Variants in POLR2C observed in about 807,000 individuals in gnomAD.
The protein encoded by POLR2C is RNA polymerase II subunit C.
A neutral mutation model predicts 41.7 loss-of-function variants in POLR2C; 36 were observed. The ratio of observed to expected loss-of-function variants is 0.86; its 90% CI spans 0.66 to 1.14. The LOEUF is 1.14. Among genes scored for constraint, POLR2C ranks in the 50% most tolerant of loss-of-function variants. The pLI is 0.00. For synonymous variants in POLR2C, 133 were observed against 137.8 expected, an observed-to-expected ratio of 0.96 and a Z score of 0.25; for missense variants, 260 against 350.4, an observed-to-expected ratio of 0.74 and a Z score of 2.06.
chr16:57,470,403 G>A (rs201771068), intron 8 of POLR2C, 49 bp downstream of exon 8: 1 of 1,444,742 alleles, frequency 6.9e-7, no homozygotes, highest in East Asian at 2.4e-5. Context: ...AGAAGGGATG[G>A]TTTTGGTTCA....
chr16:57,463,410 G>T, intron 2 of POLR2C: 1 of 440,794 alleles, frequency 2.3e-6, no homozygotes. Context: ...TTGGAGTCAA[G>T]GGGTACATTG....
chr16:57,462,879 AGGGGGCGGGGGTGTAGTGGGGTGGGGT>A, intron 1 of POLR2C, 69 bp downstream of exon 1: 1 of 263,994 alleles, frequency 3.8e-6, no homozygotes, highest in African/African-American at 8.2e-5. Flanking sequence ...GCCCCGGGGC[AGGGGGCGGGGGTGTAGTGGGGTGGGGT>A]GGGGGCGATG....
At chr16:57,462,969 C>T (rs769926686) in intron 1 of POLR2C, 60 bp from the exon 2 acceptor site, 39 of 1,502,288 alleles carry the variant, frequency 2.6e-5, no homozygotes, top group African/African-American at 4.2e-5. Flanking sequence ...GAGCCTGCGG[C>T]GCGGGCCCAG....
At chr16:57,468,805 GA>G (rs1186169046) in intron 4 of POLR2C, among the ~76,000 whole-genome samples, 1 of 152,150 alleles carries the variant, frequency 6.6e-6, no homozygotes, top group Non-Finnish European at 1.5e-5. Context: ...TTGGGAAGCT[GA>G]ACTATAGAGT....
chr16:57,470,214 C>G (rs1440598746), intron 7 of POLR2C, 66 bp from the exon 8 acceptor site: 3 of 1,595,032 alleles, frequency 1.9e-6, no homozygotes, highest in Non-Finnish European at 2.6e-6. Context: ...GTGGCAGGCT[C>G]TCTAGGAACT....
rs1364283604 is a variant in POLR2C, at chr16:57,469,001, T to C, written c.259-164T>C. On this transcript the variant is annotated intron_variant, in intron 4 of 8. Coordinates refer to ENST00000219252, the MANE Select transcript of POLR2C (RefSeq NM_032940.3). The surrounding 1 kb of genome is among the most constrained non-coding windows in gnomAD (Gnocchi z 5.8). Reference sequence around the variant, plus strand: ...ACTTGGGCAGTCCATGAGAATGGTATACCAGATTGTCACAGCCCACAAGAA... The same window carrying C: ...ACTTGGGCAGTCCATGAGAATGGTACACCAGATTGTCACAGCCCACAAGAA... Among the ~76,000 whole-genome samples the C allele has an allele frequency of 6.6e-6, 1 of 152,208 alleles. No homozygotes were observed. The highest frequency in any genetic ancestry group is 1.5e-5 in the Non-Finnish European group (1 of 68,036).
In POLR2C at chr16:57,469,045, C is replaced by T. The variant is rs940186500; in HGVS notation, c.259-120C>T. On this transcript the variant is annotated intron_variant, in intron 4 of 8. Coordinates refer to ENST00000219252, the MANE Select transcript of POLR2C (RefSeq NM_032940.3). This position sits in a 1 kb window ranked among gnomAD's most constrained non-coding sequence, Gnocchi z 5.8. ...ACAAGAACCTGGATACTGATGAACC[C>T]CTTTTTACAGGTGAAGAAACTTAAG... 9 of 950,516 alleles carry T rather than the reference C, an allele frequency of 9.5e-6. No individual in the cohort carries two copies. The African/African-American group carries it at 1.3e-4, about 14-fold the overall frequency. The allele number at this position is 950,516 out of a possible 1,614,324, so 58.9% of individuals were successfully genotyped here.
rs182582596 is a variant in POLR2C, at chr16:57,471,285, G to T, written c.*166G>T. The stretch of plus-strand genomic sequence containing the variant: ...AGTGGGTCATAGATAGATTACCAGG[G>T]ATGCAGTGGTGTTTAGGCAGGATAG... On this transcript the variant is annotated 3_prime_UTR_variant, in exon 9 of 9. Transcript: ENST00000219252. 8 of 616,156 alleles carry T rather than the reference G, an allele frequency of 1.3e-5. No individual in the cohort carries two copies. In the Admixed American group the frequency reaches 2.0e-4, roughly 15 times the overall value. The allele number at this position is 616,156 out of a possible 1,614,324, so 38.2% of individuals were successfully genotyped here.
In POLR2C at chr16:57,469,992, G is replaced by T. The variant is rs2030790841; in HGVS notation, c.471G>T (p.Gln157His). 2 of 1,614,134 alleles carry T rather than the reference G, an allele frequency of 1.2e-6. No homozygotes were observed. Among genetic ancestry groups the T allele is most frequent in the African/African-American group, 2.7e-5 (2 of 75,052 alleles). The change falls in exon 7 of 9, where the codon CAG (glutamine) becomes CAT (histidine). Residue 157 changes from glutamine (Q) to histidine (H), a missense_variant. Gln to His is a conservative substitution (Grantham distance 24). Transcript: ENST00000219252. This position sits in a 1 kb window ranked among gnomAD's most constrained non-coding sequence, Gnocchi z 5.8. Reference protein sequence around the residue: ...DILIVKLRKGQELRLRAYAKK... With the variant: ...DILIVKLRKGHELRLRAYAKK... ...TCATCGTCAAGTTGAGAAAGGGCCA[G>T]GAGCTGAGACTTCGAGCCTATGCCA...
chr16:57,465,782 T>G, intron 2 of POLR2C, 171 bp from the exon 3 acceptor site: 1 of 600,540 alleles, frequency 1.7e-6, no homozygotes, highest in Non-Finnish European at 3.0e-6. Flanking sequence ...AGGTGTGGTG[T>G]GTGTGGGTCT....
chr16:57,470,303 T>C lies in POLR2C; in HGVS notation c.632T>C (p.Leu211Pro), dbSNP rs2030800177. The change falls in exon 8 of 9, where the codon CTG becomes CCG. Residue 211 changes from leucine (L) to proline (P), a missense_variant. Coordinates refer to ENST00000219252, the MANE Select transcript of POLR2C (RefSeq NM_032940.3). ...AGGCCAAAGAGTGAGTACTCGGAGC[T>C]GGATGAGGATGAGTCGCAGGCTCCC... Reference protein sequence around the residue: ...EEWPKSEYSELDEDESQAPYD... With the variant: ...EEWPKSEYSEPDEDESQAPYD... The C allele has an allele frequency of 6.2e-7, 1 of 1,613,096 alleles. No homozygotes were observed. The highest frequency in any genetic ancestry group is 1.1e-5 in the South Asian group (1 of 90,870).
intron 2 of POLR2C, among the ~76,000 whole-genome samples, chr16:57,465,012 AAGGG>A (rs1199325231): frequency 1.3e-5 from 2 of 152,228 alleles, no homozygotes; most frequent in Admixed American, 1.3e-4. Context: ...GAGGAGTTGA[AAGGG>A]AGGGAATGTC....
chr16:57,469,512 G>T lies in POLR2C; in HGVS notation c.388-198G>T, dbSNP rs951823247. The T allele has an allele frequency of 6.9e-6, 5 of 727,696 alleles. No homozygotes were observed. The Admixed American group carries it at 1.1e-4, about 16-fold the overall frequency. The allele number at this position is 727,696 out of a possible 1,614,324, so 45.1% of individuals were successfully genotyped here. On this transcript the variant is annotated intron_variant, in intron 5 of 8. Transcript: ENST00000219252. The surrounding 1 kb of genome is among the most constrained non-coding windows in gnomAD (Gnocchi z 5.8). ...CTATCACCCAGGGACTCTTTTAAAGGCCATGGAATTGTTTTGCCTGAGGCT... is the reference window on the plus strand; with the variant it reads ...CTATCACCCAGGGACTCTTTTAAAGTCCATGGAATTGTTTTGCCTGAGGCT...
At chr16:57,470,672 G>A (rs1225983894) in intron 8 of POLR2C, among the ~76,000 whole-genome samples, 1 of 152,184 alleles carries the variant, frequency 6.6e-6, no homozygotes, top group African/African-American at 2.4e-5. Flanking sequence ...ACTGTGAAAG[G>A]TCTATCACTG....
At chr16:57,466,851 A>G (rs1364613492) in intron 4 of POLR2C, among the ~76,000 whole-genome samples, 2 of 152,150 alleles carry the variant, frequency 1.3e-5, no homozygotes, top group East Asian at 3.8e-4. Context: ...GTGATCCAGA[A>G]TCAGTCCATT....
In POLR2C at chr16:57,469,976, A is replaced by T; in HGVS notation, c.455A>T (p.Lys152Met). The T allele has an allele frequency of 6.2e-7, 1 of 1,613,840 alleles. No homozygotes were observed. Among genetic ancestry groups the T allele is most frequent in the Non-Finnish European group, 8.5e-7 (1 of 1,179,958 alleles). Residue 152 changes from lysine (K) to methionine (M), a missense_variant, in exon 7 of 9, where the codon AAG (lysine) becomes ATG (methionine). Lys to Met is a moderately conservative substitution (Grantham distance 95). Transcript: ENST00000219252. This position sits in a 1 kb window ranked among gnomAD's most constrained non-coding sequence, Gnocchi z 5.8. ...CTCCCTGCAGACATCCTCATCGTCAAGTTGAGAAAGGGCCAGGAGCTGAGA... is the reference window on the plus strand; with the variant it reads ...CTCCCTGCAGACATCCTCATCGTCATGTTGAGAAAGGGCCAGGAGCTGAGA... ...YVEQDDILIV[K>M]LRKGQELRLR...
chr16:57,466,339 AACAACGT>A, intron 4 of POLR2C, 112 bp downstream of exon 4: 1 of 736,864 alleles, frequency 1.4e-6, no homozygotes, highest in Non-Finnish European at 2.3e-6. Context: ...GTTCTGGAAC[AACAACGT>A]GGAGATGTTG....
rs535752959 is a variant in POLR2C at position 57,469,824 on chromosome 16, C to T, written c.439+63C>T. On this transcript the variant is annotated intron_variant, in intron 6 of 8. Transcript: ENST00000219252. The surrounding 1 kb of genome is among the most constrained non-coding windows in gnomAD (Gnocchi z 5.8). ...GAAGGAGGGACCAGACACAGCCTCT[C>T]GTGCTGCCTGGTCTCCTCGAAAATT... 20 of 1,566,162 alleles carry T rather than the reference C, an allele frequency of 1.3e-5. No individual in the cohort carries two copies. Among genetic ancestry groups the T allele is most frequent in the African/African-American group, 9.6e-5 (7 of 73,166 alleles).
In POLR2C at chr16:57,469,851, G is replaced by A; in HGVS notation, c.439+90G>A. 1.9e-6 allele frequency: 3 copies of A among 1,577,366 alleles called. No individual in the cohort carries two copies. In the South Asian group the frequency reaches 3.3e-5, roughly 17 times the overall value. ...TGCTGCCTGGTCTCCTCGAAAATTG[G>A]CTTTAGACCGTTTTTCCAGATGTGT... On this transcript the variant is annotated intron_variant, in intron 6 of 8. Coordinates refer to ENST00000219252, the MANE Select transcript of POLR2C (RefSeq NM_032940.3). The surrounding 1 kb of genome is among the most constrained non-coding windows in gnomAD (Gnocchi z 5.8).
Sources: allele counts gnomAD v4.1 joint callset (sites outside exome capture counted in the v4.1 genomes callset), GRCh38; gene constraint gnomAD v4.1.1; non-coding constraint Gnocchi (gnomAD v3.1); transcripts MANE v1.5; gene names NCBI Gene and HGNC (gene_info 2026-07-23, HGNC 2026-07-21).